GPBP1: variants seen among roughly 807,000 people sequenced by gnomAD.
GPBP1 encodes the protein GC-rich promoter binding protein 1.
Under a neutral mutation model 56.5 loss-of-function variants are expected in GPBP1, and 13 were observed. The observed-to-expected ratio is 0.23, with a 90% CI of 0.15 to 0.37. The LOEUF (loss-of-function observed/expected upper bound fraction) is 0.37. Ranked by LOEUF, GPBP1 falls within the 10% of genes least tolerant of loss-of-function variation. The pLI, the probability that GPBP1 is intolerant of heterozygous loss-of-function variation, is 1.00. For synonymous variants in GPBP1, 204 were observed against 188.9 expected, an observed-to-expected ratio of 1.08 and a Z score of -0.66; for missense variants, 477 against 572.3, an observed-to-expected ratio of 0.83 and a Z score of 1.70.
intron 6 of GPBP1, among the ~76,000 whole-genome samples, chr5:57,239,953 TTTCTC>T (rs1384275779): frequency 3.3e-5 from 5 of 152,106 alleles, no homozygotes; most frequent in African/African-American, 1.2e-4. Context: ...AGTGATAAGT[TTTCTC>T]TTCAAATTAA....
chr5:57,249,981 C>G (rs1356314989), intron 9 of GPBP1, among the ~76,000 whole-genome samples: 1 of 26,462 alleles, frequency 3.8e-5, no homozygotes, highest in Non-Finnish European at 7.3e-5. Flanking sequence ...TCCCCCTCCC[C>G]CTCCTCCTCG....
At chr5:57,200,718 G>T (rs552852417) in intron 2 of GPBP1, among the ~76,000 whole-genome samples, 11 of 152,150 alleles carry the variant, frequency 7.2e-5, no homozygotes, top group African/African-American at 2.4e-4. Context: ...GATACACTCC[G>T]TTGCCCAGGC....
intron 10 of GPBP1, among the ~76,000 whole-genome samples, chr5:57,251,428 A>G (rs1210119024): frequency 1.3e-5 from 2 of 152,126 alleles, no homozygotes; most frequent in Non-Finnish European, 2.9e-5. Context: ...TTTGATGTCT[A>G]GCTTCTTTCA....
chr5:57,176,452 AGAGTT>A (rs1753790214), intron 2 of GPBP1, 52 bp downstream of exon 2: 1 of 154,428 alleles, frequency 6.5e-6, no homozygotes, highest in African/African-American at 2.4e-5. Flanking sequence ...AACTGTAATC[AGAGTT>A]GAGTTTATCC....
At chr5:57,208,671 T>C (rs1171391045) in intron 2 of GPBP1, among the ~76,000 whole-genome samples, 4 of 150,130 alleles carry the variant, frequency 2.7e-5, no homozygotes, top group Non-Finnish European at 5.9e-5. Context: ...TTTTTTTTTT[T>C]TTTGAGACAG....
chr5:57,237,256 C>A, intron 6 of GPBP1: 1 of 905,396 alleles, frequency 1.1e-6, no homozygotes, highest in Non-Finnish European at 1.8e-6. Context: ...TAAATAGAAT[C>A]TCTAAGAAAT....
At chr5:57,186,087 T>A (rs1754273982) in intron 2 of GPBP1, among the ~76,000 whole-genome samples, 1 of 152,176 alleles carries the variant, frequency 6.6e-6, no homozygotes, top group African/African-American at 2.4e-5. Flanking sequence ...CAGTGTCTTT[T>A]GAAGAGCAAA....
intron 10 of GPBP1, among the ~76,000 whole-genome samples, chr5:57,257,454 GA>G (rs1741715589): frequency 6.6e-6 from 1 of 152,150 alleles, no homozygotes; most frequent in Non-Finnish European, 1.5e-5. Context: ...TCAGGGTATC[GA>G]GGTAGCCTCA....
chr5:57,261,415 A>G (rs1453008096), intron 11 of GPBP1, 133 bp downstream of exon 11: 23 of 582,892 alleles, frequency 3.9e-5, no homozygotes, highest in Non-Finnish European at 7.1e-5. Context: ...TAAAAAAAAA[A>G]AGAGGGAGGA....
At chr5:57,244,926 C>CG (rs924912048) in intron 6 of GPBP1, among the ~76,000 whole-genome samples, 1 of 152,000 alleles carries the variant, frequency 6.6e-6, no homozygotes, top group Admixed American at 6.6e-5. Context: ...TTAGTAGAGA[C>CG]GGGGTTTCAC....
At chr5:57,262,536 T>A in intron 11 of GPBP1, 58 bp from the exon 12 acceptor site, 1 of 1,254,644 alleles carries the variant, frequency 8.0e-7, no homozygotes, top group Non-Finnish European at 1.2e-6. Flanking sequence ...CTTATATTAT[T>A]ACAGTAGGTT....
intron 3 of GPBP1, among the ~76,000 whole-genome samples, chr5:57,226,501 GATGGGTAGATC>G (rs1048096537): frequency 6.7e-6 from 1 of 150,262 alleles, no homozygotes; most frequent in African/African-American, 2.4e-5. Context: ...GTATAGGGCT[GATGGGTAGATC>G]ATTGAGAGAG....
intron 2 of GPBP1, among the ~76,000 whole-genome samples, chr5:57,208,499 C>T (rs1755333200): frequency 6.6e-6 from 1 of 152,120 alleles, no homozygotes; most frequent in Non-Finnish European, 1.5e-5. Flanking sequence ...TCCCACAGTG[C>T]TGGGATTATA....
intron 6 of GPBP1, 45 bp downstream of exon 6, chr5:57,236,077 AT>A (rs766263453): frequency 8.2e-7 from 1 of 1,221,182 alleles, no homozygotes; most frequent in Non-Finnish European, 1.2e-6. Flanking sequence ...AAATGTTGAT[AT>A]TTATAGGTTT....
At chr5:57,251,363 A>G (rs555443698) in intron 10 of GPBP1, among the ~76,000 whole-genome samples, 24 of 152,224 alleles carry the variant, frequency 1.6e-4, no homozygotes, top group African/African-American at 5.5e-4. Flanking sequence ...TATTCTTTCT[A>G]TAGATTTGCC....
intron 2 of GPBP1, among the ~76,000 whole-genome samples, chr5:57,178,873 C>G (rs942682441): frequency 1.2e-4 from 18 of 151,902 alleles, no homozygotes; most frequent in Admixed American, 8.5e-4. Flanking sequence ...GCTTTTTTGT[C>G]CCTTTCTAAA....
intron 7 of GPBP1, among the ~76,000 whole-genome samples, chr5:57,246,845 G>A (rs1442322300): frequency 1.3e-5 from 2 of 152,082 alleles, no homozygotes; most frequent in African/African-American, 4.8e-5. Flanking sequence ...CCAACTTTAT[G>A]TAGCTTTGGA....
At chr5:57,207,744 G>A (rs1755295386) in intron 2 of GPBP1, among the ~76,000 whole-genome samples, 1 of 152,152 alleles carries the variant, frequency 6.6e-6, no homozygotes, top group African/African-American at 2.4e-5. Flanking sequence ...TGGAGTGGGA[G>A]GGTGTTTTCC....
chr5:57,231,381 C>G, intron 5 of GPBP1, 60 bp downstream of exon 5: 4 of 1,355,936 alleles, frequency 2.9e-6, no homozygotes, highest in Admixed American at 4.0e-5. Flanking sequence ...TTAAGTGATT[C>G]TCCTGCCTCA....
Sources: allele counts gnomAD v4.1 joint callset (sites outside exome capture counted in the v4.1 genomes callset), GRCh38; gene constraint gnomAD v4.1.1; transcripts MANE v1.5; gene names NCBI Gene and HGNC (gene_info 2026-07-23, HGNC 2026-07-21).